The following DDX10 variants were observed in gnomAD, a reference collection of about 807,000 sequenced individuals.
DDX10 encodes the protein DEAD-box helicase 10.
DDX10 carries 74 observed loss-of-function variants against 104.3 expected under a neutral mutation model. That is an observed-to-expected ratio of 0.71 (90% CI 0.59 to 0.86). DDX10 has a LOEUF of 0.86. Among genes scored for constraint, DDX10 ranks in the 40% least tolerant of loss-of-function variants. The pLI, the probability that DDX10 is intolerant of heterozygous loss-of-function variation, is 0.00. For synonymous variants in DDX10, 351 were observed against 353.4 expected, an observed-to-expected ratio of 0.99 and a Z score of 0.08; for missense variants, 952 against 1,040.0, an observed-to-expected ratio of 0.92 and a Z score of 1.16.
intron 16 of DDX10, among the ~76,000 whole-genome samples, chr11:108,864,820 C>T (rs1279501360): frequency 1.3e-5 from 2 of 152,050 alleles, no homozygotes; most frequent in Non-Finnish European, 2.9e-5. Flanking sequence ...TTTGGCTACA[C>T]CCCCATGGCA....
chr11:108,672,711 A>G (rs1297652380), intron 1 of DDX10, among the ~76,000 whole-genome samples: 2 of 152,250 alleles, frequency 1.3e-5, no homozygotes, highest in African/African-American at 2.4e-5. Context: ...ATTTGGCAGC[A>G]TATTTCCAGA....
chr11:108,914,411 C>T (rs1361503983), intron 16 of DDX10, among the ~76,000 whole-genome samples: 1 of 151,144 alleles, frequency 6.6e-6, no homozygotes, highest in African/African-American at 2.5e-5. Context: ...CTACCTCTGC[C>T]TGAATTCTTG....
intron 16 of DDX10, among the ~76,000 whole-genome samples, chr11:108,864,788 G>T (rs1184862224): frequency 1.3e-5 from 2 of 152,086 alleles, no homozygotes; most frequent in Non-Finnish European, 2.9e-5. Context: ...ACCCTGAGGT[G>T]CTAGGCCTTT....
intron 13 of DDX10, among the ~76,000 whole-genome samples, chr11:108,833,342 CATAG>C (rs1310991425): frequency 3.3e-5 from 5 of 152,126 alleles, no homozygotes; most frequent in East Asian, 3.9e-4. Context: ...TATCTTTTTC[CATAG>C]ATAGAGTTGG....
intron 13 of DDX10, among the ~76,000 whole-genome samples, chr11:108,732,518 G>A (rs990602302): frequency 2.6e-5 from 4 of 152,202 alleles, no homozygotes; most frequent in African/African-American, 4.8e-5. Flanking sequence ...GGCGTAAATG[G>A]AGACGAGAGG....
chr11:108,902,239 AG>A (rs200349626), intron 16 of DDX10, among the ~76,000 whole-genome samples: 1,696 of 152,298 alleles, frequency 0.011, 39 homozygotes, highest in African/African-American at 0.037. Context: ...ATATCTAAAC[AG>A]CAGCATAAAT....
At chr11:108,758,661 A>C (rs541818673) in intron 13 of DDX10, among the ~76,000 whole-genome samples, 1 of 152,150 alleles carries the variant, frequency 6.6e-6, no homozygotes, top group African/African-American at 2.4e-5. Flanking sequence ...GTATCTTCAA[A>C]GCCAACAACA....
intron 9 of DDX10, among the ~76,000 whole-genome samples, chr11:108,695,557 G>A (rs1029836369): frequency 6.6e-6 from 1 of 152,128 alleles, no homozygotes; most frequent in Non-Finnish European, 1.5e-5. Flanking sequence ...AGTCCCCTTG[G>A]CGTTTAGTTC....
At chr11:108,779,860 G>T (rs1250750795) in intron 13 of DDX10, among the ~76,000 whole-genome samples, 1 of 152,022 alleles carries the variant, frequency 6.6e-6, no homozygotes, top group Non-Finnish European at 1.5e-5. Flanking sequence ...TATTTACTTG[G>T]AGGTAAACTG....
chr11:108,704,031 A>G (rs2094272316), intron 9 of DDX10, among the ~76,000 whole-genome samples: 1 of 151,974 alleles, frequency 6.6e-6, no homozygotes, highest in African/African-American at 2.4e-5. Flanking sequence ...GTAGCCTTCT[A>G]TATATATTCT....
chr11:108,779,547 A>AG (rs1196908466), intron 13 of DDX10, among the ~76,000 whole-genome samples: 1 of 145,562 alleles, frequency 6.9e-6, no homozygotes, highest in Non-Finnish European at 1.5e-5. Flanking sequence ...GGGTGGTGGG[A>AG]GGGGGAAGGA....
At chr11:108,708,003 T>C (rs2094278834) in intron 10 of DDX10, among the ~76,000 whole-genome samples, 1 of 152,188 alleles carries the variant, frequency 6.6e-6, no homozygotes, top group Non-Finnish European at 1.5e-5. Context: ...TGGATAAATA[T>C]TACCAAGGAG....
intron 3 of DDX10, among the ~76,000 whole-genome samples, chr11:108,676,751 T>C (rs1345252028): frequency 6.6e-6 from 1 of 152,120 alleles, no homozygotes; most frequent in East Asian, 1.9e-4. Context: ...GCCAAAAGTT[T>C]TAGTGTGGTT....
intron 13 of DDX10, among the ~76,000 whole-genome samples, chr11:108,756,945 T>C (rs1591810469): frequency 1.3e-5 from 2 of 152,098 alleles, no homozygotes; most frequent in East Asian, 3.8e-4. Context: ...ATCTCTTTTA[T>C]AATTCCTCAG....
chr11:108,813,216 G>C (rs1241630073), intron 13 of DDX10, among the ~76,000 whole-genome samples: 9 of 152,118 alleles, frequency 5.9e-5, no homozygotes, highest in African/African-American at 2.2e-4. Context: ...TTGAATTTCA[G>C]TAGATATTGT....
At chr11:108,791,007 AT>A (rs1861863314) in intron 13 of DDX10, among the ~76,000 whole-genome samples, 1 of 152,198 alleles carries the variant, frequency 6.6e-6, no homozygotes, top group Non-Finnish European at 1.5e-5. Flanking sequence ...CTACTTTATA[AT>A]GTGGTTTTGA....
chr11:108,838,693 C>T, intron 14 of DDX10, 128 bp downstream of exon 14: 2 of 1,068,010 alleles, frequency 1.9e-6, no homozygotes, highest in Non-Finnish European at 2.6e-6. Flanking sequence ...CCATTCCTTT[C>T]ACTGTTACTG....
intron 13 of DDX10, among the ~76,000 whole-genome samples, chr11:108,744,660 C>T (rs2094329213): frequency 6.6e-6 from 1 of 152,068 alleles, no homozygotes; most frequent in South Asian, 2.1e-4. Flanking sequence ...ATATTACTGT[C>T]CCAAATATGA....
intron 6 of DDX10, among the ~76,000 whole-genome samples, chr11:108,686,878 G>A (rs146872140): frequency 5.3e-5 from 8 of 152,060 alleles, no homozygotes; most frequent in South Asian, 2.1e-4. Context: ...TCTGCCCCTC[G>A]GGTTCATGCC....
Sources: gnomAD v4.1 joint callset for allele counts (sites outside exome capture counted in the v4.1 genomes callset) on GRCh38, gnomAD v4.1.1 for gene constraint, MANE v1.5 for transcripts, NCBI Gene and HGNC (gene_info 2026-07-23, HGNC 2026-07-21) for gene names.